SPIRE2: variants seen among roughly 807,000 people sequenced by gnomAD.
SPIRE2 encodes protein spire homolog 2.
In SPIRE2, 76 loss-of-function variants were observed where a neutral mutation model predicts 80.7. The observed-to-expected ratio is 0.94, with a 90% CI of 0.78 to 1.14. The LOEUF (loss-of-function observed/expected upper bound fraction) is 1.14, where lower values mean the gene tolerates loss of function less well. Among genes scored for constraint, SPIRE2 ranks in the 50% most tolerant of loss-of-function variants. The pLI, the probability that SPIRE2 is intolerant of heterozygous loss-of-function variation, is 0.00. For missense variants in SPIRE2, 1,196 were observed against 1,015.3 expected (o/e 1.18, Z -2.42); for synonymous variants, 535 against 432.6 (o/e 1.24, Z -2.94).
In SPIRE2 at chr16:89,856,207, C is replaced by T. The variant is rs780381068; in HGVS notation, c.1073C>T (p.Pro358Leu). The change falls in exon 7 of 15, where the codon CCG becomes CTG. Residue 358 changes from proline to leucine, a missense_variant. Physicochemically the swap from Pro to Leu is moderately conservative, Grantham distance 98. Transcript: ENST00000378247. ...EEIKQERRLR[P>L]VRGEGWAARG... is the part of the protein sequence containing the mutation. ...ATCAAGCAGGAGCGGAGGCTGCGCC[C>T]GGTGCGGGGCGAGGGCTGGGCTGCC... The T allele has an allele frequency of 2.5e-5, 40 of 1,591,470 alleles. No homozygotes were observed. The highest frequency in any genetic ancestry group is 2.3e-4 in the East Asian group (10 of 43,984).
At position 89,850,550 on chromosome 16, in the gene SPIRE2, C is replaced by A. The variant is rs1401075488; in HGVS notation, c.535C>A (p.Leu179Met). Residue 179 changes from leucine to methionine, a missense_variant, in exon 3 of 15, where the codon CTG (leucine) becomes ATG (methionine). Transcript: ENST00000378247. ...AQAMRLCAAR[L>M]TDPRGAQAHY... is the part of the protein sequence containing the mutation. Reference sequence around the variant, plus strand: ...GGCCATGCGGCTGTGCGCGGCGCGGCTGACCGACCCCCGGGGCGCACAGGC... The same window carrying A: ...GGCCATGCGGCTGTGCGCGGCGCGGATGACCGACCCCCGGGGCGCACAGGC... 5.3e-6 allele frequency: 8 copies of A among 1,512,850 alleles called. No individual in the cohort carries two copies. Among genetic ancestry groups the A allele is most frequent in the South Asian group, 1.3e-5 (1 of 79,738 alleles). 93.7% of individuals were successfully genotyped at this position (1,512,850 alleles called of 1,614,324 possible).
chr16:89,855,974 CCTGGCAGGCTCTTCCGA>C (rs997427422), intron 6 of SPIRE2, 122 bp from the exon 7 acceptor site: 1 of 1,430,424 alleles, frequency 7.0e-7, no homozygotes, highest in African/African-American at 1.4e-5. Flanking sequence ...TCCGGGTGGG[CCTGGCAGGCTCTTCCGA>C]CTCCAGAGTG....
chr16:89,844,999 C>T (rs566570776), intron 1 of SPIRE2, among the ~76,000 whole-genome samples: 5 of 152,324 alleles, frequency 3.3e-5, no homozygotes, highest in Admixed American at 2.6e-4. Flanking sequence ...AGCCCTGACT[C>T]GCCTTTGAGT....
intron 3 of SPIRE2, 127 bp from the exon 4 acceptor site, chr16:89,854,159 C>T (rs1425355572): frequency 2.3e-6 from 2 of 872,150 alleles, no homozygotes; most frequent in East Asian, 2.7e-5. Context: ...CCAAAATGCC[C>T]AGCTGTCTCT....
At chr16:89,844,628 CG>C (rs750713760) in intron 1 of SPIRE2, among the ~76,000 whole-genome samples, 2 of 152,074 alleles carry the variant, frequency 1.3e-5, no homozygotes, top group Non-Finnish European at 2.9e-5. Context: ...TTAGTACAGA[CG>C]GGGTTTCACC....
intron 3 of SPIRE2, among the ~76,000 whole-genome samples, chr16:89,853,285 G>C (rs2041654434): frequency 6.7e-6 from 1 of 148,676 alleles, no homozygotes; most frequent in African/African-American, 2.5e-5. Context: ...TTACAGCTAT[G>C]AGCCACTGTT....
At position 89,863,867 on chromosome 16, in the gene SPIRE2, C is replaced by A; in HGVS notation, c.1778+6C>A. 6.2e-7 allele frequency: 1 copy of A among 1,611,456 alleles called. No homozygotes were observed. The highest frequency in any genetic ancestry group is 8.5e-7 in the Non-Finnish European group (1 of 1,178,282). ...AGCTGTCTCTTCTGCAAGAGGTGAGCCTTCCCTTTAGCTGTCAGTTCACAA... is the reference window on the plus strand; with the variant it reads ...AGCTGTCTCTTCTGCAAGAGGTGAGACTTCCCTTTAGCTGTCAGTTCACAA... On this transcript the variant is annotated splice_donor_region_variant and intron_variant, in intron 12 of 14. Transcript: ENST00000378247. The surrounding 1 kb of genome is among the most constrained non-coding windows in gnomAD (Gnocchi z 4.3).
chr16:89,870,195 C>T lies in SPIRE2; in HGVS notation c.2068C>T (p.Leu690Phe). 6.2e-7 allele frequency: 1 copy of T among 1,609,874 alleles called. No homozygotes were observed. Among genetic ancestry groups the T allele is most frequent in the Non-Finnish European group, 8.5e-7 (1 of 1,178,292 alleles). ...VRSSRKSVDVLNTTPRRSRQT... is the reference protein window; with the variant it reads ...VRSSRKSVDVFNTTPRRSRQT... ...TTCCAGCCGCAAGAGCGTGGACGTCCTCAACACTACGCCACGACGCAGTCG... is the reference window on the plus strand; with the variant it reads ...TTCCAGCCGCAAGAGCGTGGACGTCTTCAACACTACGCCACGACGCAGTCG... The change falls in exon 15 of 15, where the codon CTC (leucine) becomes TTC (phenylalanine). Residue 690 changes from leucine to phenylalanine, a missense_variant. Physicochemically the swap from Leu to Phe is conservative, Grantham distance 22. Transcript: ENST00000378247.
chr16:89,859,145 C>CA lies in SPIRE2; in HGVS notation c.1273-20_1273-19insA. 1 of 1,528,622 alleles carries CA rather than the reference C, an allele frequency of 6.5e-7. No individual in the cohort carries two copies. Among genetic ancestry groups the CA allele is most frequent in the Non-Finnish European group, 8.8e-7 (1 of 1,130,312 alleles). 94.7% of individuals were successfully genotyped at this position (1,528,622 alleles called of 1,614,324 possible). A position where few individuals can be genotyped will look rare whatever the true frequency, so the allele number is the denominator to read the frequency against. On this transcript the variant is annotated intron_variant, in intron 8 of 14. Transcript: ENST00000378247. Reference sequence around the variant, plus strand: ...CTGGCGGGCATTGTCAGGGCAGGGCCGCGTCTGGTGTGTCCACAGGAAGAA... The same window carrying CA: ...CTGGCGGGCATTGTCAGGGCAGGGCCAGCGTCTGGTGTGTCCACAGGAAGAA...
intron 13 of SPIRE2, 29 bp from the exon 14 acceptor site, chr16:89,869,538 G>T: frequency 6.7e-7 from 1 of 1,490,810 alleles, no homozygotes; most frequent in Non-Finnish European, 9.4e-7. Context: ...GGTGGTGCCT[G>T]GTTCATACCT....
chr16:89,855,487 AG>A, intron 5 of SPIRE2, 112 bp from the exon 6 acceptor site: 1 of 839,300 alleles, frequency 1.2e-6, no homozygotes, highest in Non-Finnish European at 1.9e-6. Context: ...AAAGAGTGGG[AG>A]GGCGGGTAGG....
intron 2 of SPIRE2, among the ~76,000 whole-genome samples, chr16:89,848,746 T>G (rs111463187): frequency 1.6e-5 from 2 of 123,568 alleles, no homozygotes; most frequent in African/African-American, 6.3e-5. Flanking sequence ...GGGCCTTCTG[T>G]GGTGTTTCTG....
rs574913189 is a variant in SPIRE2 at position 89,867,779 on chromosome 16, T to C, written c.1779-410T>C. On this transcript the variant is annotated intron_variant, in intron 12 of 14. Coordinates refer to ENST00000378247, the MANE Select transcript of SPIRE2 (RefSeq NM_032451.2). ...TTTGTATTTTTAGTAGAAACGAGGT[T>C]TCACCTTGTTGGTCAGGCTTGTCTC... Among the ~76,000 whole-genome samples the C allele has an allele frequency of 1.2e-3, 176 of 151,960 alleles. 2 individuals are homozygous for C. The highest frequency in any genetic ancestry group is 2.1e-3 in the Non-Finnish European group (144 of 67,964).
In SPIRE2 at chr16:89,870,288, A is replaced by G. The variant is rs746083319; in HGVS notation, c.*16A>G. On this transcript the variant is annotated 3_prime_UTR_variant, in exon 15 of 15. Coordinates refer to ENST00000378247, the MANE Select transcript of SPIRE2 (RefSeq NM_032451.2). Reference sequence around the variant, plus strand: ...CTTCAAGTGACAGCCCCAGGTGGCCAGGCCTCCAGGAGGCACCAGGCAGGC... The same window carrying G: ...CTTCAAGTGACAGCCCCAGGTGGCCGGGCCTCCAGGAGGCACCAGGCAGGC... The G allele has an allele frequency of 1.3e-6, 2 of 1,562,338 alleles. No homozygotes were observed. The highest frequency in any genetic ancestry group is 2.7e-5 in the African/African-American group (2 of 74,096).
intron 9 of SPIRE2, among the ~76,000 whole-genome samples, chr16:89,860,017 A>G (rs2041728717): frequency 6.6e-6 from 1 of 152,092 alleles, no homozygotes; most frequent in African/African-American, 2.4e-5. Context: ...ACACTTACTT[A>G]ACCTCGGCCT....
chr16:89,852,110 T>TCCCCTGG (rs2041634836), intron 3 of SPIRE2, among the ~76,000 whole-genome samples: 2 of 52,936 alleles, frequency 3.8e-5, no homozygotes, highest in African/African-American at 1.7e-4. Context: ...ACCCACCAGA[T>TCCCCTGG]CCCATGGCCC....
intron 2 of SPIRE2, 182 bp from the exon 3 acceptor site, chr16:89,850,122 C>A (rs751089798): frequency 3.1e-5 from 22 of 709,852 alleles, no homozygotes; most frequent in African/African-American, 7.0e-5. Flanking sequence ...AGGTGTGGGC[C>A]ACCGCGCCCG....
At chr16:89,864,040 T>A (rs1208654046) in intron 12 of SPIRE2, among the ~76,000 whole-genome samples, 179 bp downstream of exon 12, 3 of 152,218 alleles carry the variant, frequency 2.0e-5, no homozygotes, top group Non-Finnish European at 2.9e-5. Context: ...GTATTTAAAT[T>A]AAATTAAATT....
In SPIRE2 at chr16:89,868,189, A is replaced by G; in HGVS notation, c.1779A>G (p.Arg593=). The change falls in exon 13 of 15, where the codon AGA becomes AGG. Residue 593 remains arginine, a splice_region_variant and synonymous_variant. Coordinates refer to ENST00000378247, the MANE Select transcript of SPIRE2 (RefSeq NM_032451.2). ...SWPPSCLFCK[R]AVCTSCSIKM... is the part of the protein sequence containing the mutation. ...CTGCATTTCCTCTGTTCCCTTCCAG[A>G]GCCGTCTGCACTTCCTGTAGCATAA... is the stretch of plus-strand genomic sequence containing the variant. 6.2e-7 allele frequency: 1 copy of G among 1,614,008 alleles called. No individual in the cohort carries two copies. The highest frequency in any genetic ancestry group is 8.5e-7 in the Non-Finnish European group (1 of 1,179,970).
Sources: allele counts gnomAD v4.1 joint callset (sites outside exome capture counted in the v4.1 genomes callset), GRCh38; gene constraint gnomAD v4.1.1; non-coding constraint Gnocchi (gnomAD v3.1); transcripts MANE v1.5; gene names NCBI Gene and HGNC (gene_info 2026-07-23, HGNC 2026-07-21).